Variants in BPTF observed in about 807,000 individuals in gnomAD.
The protein encoded by BPTF is nucleosome-remodeling factor subunit BPTF.
In BPTF, 18 loss-of-function variants were observed where a neutral mutation model predicts 292.5. That is an observed-to-expected ratio of 0.06 (90% CI 0.04 to 0.09). The LOEUF is 0.09. Among genes scored for constraint, BPTF ranks in the 10% least tolerant of loss-of-function variants. The pLI, the probability that BPTF is intolerant of heterozygous loss-of-function variation, is 1.00. For missense variants in BPTF, 2,726 were observed against 3,498.7 expected, an observed-to-expected ratio of 0.78 and a Z score of 5.57; for synonymous variants, 1,225 against 1,251.9, an observed-to-expected ratio of 0.98 and a Z score of 0.45.
chr17:67,845,346 A>G (rs150002941), intron 1 of BPTF, among the ~76,000 whole-genome samples: 1 of 152,296 alleles, frequency 6.6e-6, no homozygotes, highest in East Asian at 1.9e-4. Context: ...TACACCTCTG[A>G]TTGCAAATGG....
At chr17:67,870,514 C>T (rs2059657539) in intron 3 of BPTF, among the ~76,000 whole-genome samples, 2 of 151,942 alleles carry the variant, frequency 1.3e-5, no homozygotes, top group East Asian at 1.9e-4. Context: ...CCACTGTTAC[C>T]TTTATTTGTT....
chr17:67,953,258 G>T (rs1264182138), intron 23 of BPTF, among the ~76,000 whole-genome samples: 1 of 139,558 alleles, frequency 7.2e-6, no homozygotes, highest in Admixed American at 7.3e-5. Flanking sequence ...ACCGCGCCTG[G>T]CCTTTTTTTT....
intron 2 of BPTF, among the ~76,000 whole-genome samples, chr17:67,859,687 T>C (rs1398289534): frequency 2.0e-5 from 3 of 152,252 alleles, no homozygotes; most frequent in Non-Finnish European, 2.9e-5. Flanking sequence ...CCAATGCTTA[T>C]AACTTGGGGA....
intron 27 of BPTF, among the ~76,000 whole-genome samples, chr17:67,977,230 A>C (rs1216407264): frequency 3.3e-5 from 5 of 152,086 alleles, no homozygotes; most frequent in African/African-American, 1.2e-4. Context: ...AGTGTGTGCT[A>C]TTGGCCAGGC....
At chr17:67,922,602 T>C (rs535401295) in intron 13 of BPTF, among the ~76,000 whole-genome samples, 3 of 152,290 alleles carry the variant, frequency 2.0e-5, no homozygotes, top group East Asian at 1.9e-4. Context: ...CCACAGCCCA[T>C]GAGCCTTGGC....
rs946849136 is a variant in BPTF at position 67,826,039 on chromosome 17, GGGC to G, written c.325_327del (p.Gly109del). The G allele has an allele frequency of 2.5e-6, 3 of 1,196,454 alleles. No individual in the cohort carries two copies. The highest frequency in any genetic ancestry group is 1.6e-5 in the African/African-American group (1 of 62,862). The allele number at this position is 1,196,454 out of a possible 1,614,324, so 74.1% of individuals were successfully genotyped here. ...GCGGGGGCGGCAGGACGGGGGGCGG[GGGC>G]GGCGGCGGCCACCTGGCCCGGACCA... On this transcript the variant is annotated inframe_deletion, in exon 1 of 28. Coordinates refer to ENST00000306378, the MANE Select transcript of BPTF (RefSeq NM_182641.4).
intron 1 of BPTF, among the ~76,000 whole-genome samples, chr17:67,843,975 G>C (rs1365957879): frequency 2.0e-5 from 3 of 150,308 alleles, no homozygotes; most frequent in South Asian, 2.1e-4. Context: ...ATGTTGGTCA[G>C]GCTGGTCTCA....
At chr17:67,833,341 C>T (rs540657172) in intron 1 of BPTF, among the ~76,000 whole-genome samples, 2 of 151,924 alleles carry the variant, frequency 1.3e-5, no homozygotes, top group African/African-American at 4.8e-5. Context: ...AGCCTTCCAG[C>T]CTCCAGAGTA....
At position 67,946,043 on chromosome 17, in the gene BPTF, C is replaced by G. The variant is rs782000934; in HGVS notation, c.7335C>G (p.Leu2445=). ...VPQLQQQVQV[L]SQIQSQVVAQ... ...AGCTGCAACAACAAGTCCAGGTTCT[C>G]TCTCAGATCCAGTCACAGGTTGTGG... The change falls in exon 21 of 28, where the codon CTC becomes CTG. Residue 2445 remains leucine (L), a synonymous_variant. Coordinates refer to ENST00000306378, the MANE Select transcript of BPTF (RefSeq NM_182641.4). The G allele has an allele frequency of 1.2e-6, 2 of 1,614,220 alleles. No homozygotes were observed. Among genetic ancestry groups the G allele is most frequent in the Non-Finnish European group, 1.7e-6 (2 of 1,180,032 alleles).
At chr17:67,935,238 T>C (rs2064817034) in intron 18 of BPTF, among the ~76,000 whole-genome samples, 1 of 151,976 alleles carries the variant, frequency 6.6e-6, no homozygotes, top group African/African-American at 2.4e-5. Context: ...TCCTGGGCAA[T>C]GTAGTGAGAC....
At chr17:67,940,333 T>G in intron 18 of BPTF, 106 bp from the exon 19 acceptor site, 1 of 1,052,142 alleles carries the variant, frequency 9.5e-7, no homozygotes, top group Non-Finnish European at 1.4e-6. Context: ...TCCCAGTGTT[T>G]TTTTGAAGAT....
Position 67,893,384 on chromosome 17 carries a change from C to G in BPTF, c.2070C>G (p.Asn690Lys), listed in dbSNP as rs2061251812. 1 of 1,613,568 alleles carries G rather than the reference C, an allele frequency of 6.2e-7. No individual in the cohort carries two copies. Among genetic ancestry groups the G allele is most frequent in the Non-Finnish European group, 8.5e-7 (1 of 1,179,690 alleles). The change falls in exon 6 of 28, where the codon AAC becomes AAG. Residue 690 changes from asparagine (N) to lysine (K), a missense_variant. This residue lies in a region of BPTF where 63 missense variants were observed against 84.1 expected (regional missense o/e 0.75). Coordinates refer to ENST00000306378, the MANE Select transcript of BPTF (RefSeq NM_182641.4). The part of the protein sequence containing the change: ...FKEGKEVLVV[N>K]SQGEISRLST... ...TTTTTGGTCAGGTACTGGTAGTTAA[C>G]TCTCAAGGAGAAATTTCACGGTTGA...
intron 26 of BPTF, among the ~76,000 whole-genome samples, chr17:67,973,639 G>A (rs2069053613): frequency 6.6e-6 from 1 of 151,914 alleles, no homozygotes; most frequent in South Asian, 2.1e-4. Flanking sequence ...CCTAGTAGCT[G>A]GGATTAAAGG....
At position 67,896,950 on chromosome 17, in the gene BPTF, C is replaced by T. The variant is rs113544348; in HGVS notation, c.2543+2785C>T. 8.9e-3 allele frequency among the ~76,000 whole-genome samples: 1,353 copies of T among 152,056 alleles called. 16 individuals are homozygous for T. Among genetic ancestry groups the T allele is most frequent in the Non-Finnish European group, 0.012 (782 of 67,974 alleles). ...TATGATGAAATAGAAAACAAATATA[C>T]CTTAGATCCCATTATGTTTTATAAG... On this transcript the variant is annotated intron_variant, in intron 7 of 27. Coordinates refer to ENST00000306378, the MANE Select transcript of BPTF (RefSeq NM_182641.4).
intron 23 of BPTF, among the ~76,000 whole-genome samples, chr17:67,948,804 A>G (rs991808328): frequency 6.6e-6 from 1 of 152,220 alleles, no homozygotes; most frequent in Non-Finnish European, 1.5e-5. Context: ...CCTGGCCAAC[A>G]TGGCGAGACC....
chr17:67,953,072 C>T (rs1164784478), intron 23 of BPTF, among the ~76,000 whole-genome samples: 1 of 151,888 alleles, frequency 6.6e-6, no homozygotes, highest in East Asian at 1.9e-4. Context: ...CGCCAGTCTC[C>T]TGCCTCAGCT....
intron 1 of BPTF, among the ~76,000 whole-genome samples, chr17:67,839,183 ATGT>A (rs1567870320): frequency 1.6e-4 from 24 of 152,176 alleles, no homozygotes; most frequent in African/African-American, 5.6e-4. Flanking sequence ...CTCCAAAGCA[ATGT>A]TAAATGTTAG....
In BPTF at chr17:67,898,381, A is replaced by G. The variant is rs1433063674; in HGVS notation, c.2543+4216A>G. ...GTCTTAAAAAGAAAAAAGTTGAAGA[A>G]AGGAAACCTTTTGATCATCTCATTA... On this transcript the variant is annotated intron_variant, in intron 7 of 27. Coordinates refer to ENST00000306378, the MANE Select transcript of BPTF (RefSeq NM_182641.4). 1.3e-5 allele frequency among the ~76,000 whole-genome samples: 2 copies of G among 152,204 alleles called. 1 individual carries two copies. Among genetic ancestry groups the G allele is most frequent in the East Asian group, 3.8e-4 (2 of 5,196 alleles).
At chr17:67,917,012 A>G (rs975810120) in intron 11 of BPTF, among the ~76,000 whole-genome samples, 14 of 152,036 alleles carry the variant, frequency 9.2e-5, no homozygotes, top group African/African-American at 3.1e-4. Context: ...ATTTTGAAAT[A>G]CGTTTTTAGT....
Sources: gnomAD v4.1 joint callset for allele counts (sites outside exome capture counted in the v4.1 genomes callset) on GRCh38, gnomAD v4.1.1 for gene constraint, gnomAD v4.1.1 regional missense constraint, MANE v1.5 for transcripts, NCBI Gene and HGNC (gene_info 2026-07-23, HGNC 2026-07-21) for gene names.